The following FOXO3 variants were observed in gnomAD, a reference collection of about 807,000 sequenced individuals.
FOXO3 encodes the protein forkhead box protein O3.
Under a neutral mutation model 41.9 loss-of-function variants are expected in FOXO3, and 4 were observed. The observed-to-expected ratio is 0.10, with a 90% CI of 0.05 to 0.22. The LOEUF (loss-of-function observed/expected upper bound fraction) is 0.22, where lower values mean the gene tolerates loss of function less well. Among genes scored for constraint, FOXO3 ranks in the 10% least tolerant of loss-of-function variants. The pLI is 1.00. For missense variants in FOXO3, 534 were observed against 906.8 expected (o/e 0.59, Z 5.28); for synonymous variants, 318 against 389.3 (o/e 0.82, Z 2.16).
intron 1 of FOXO3, among the ~76,000 whole-genome samples, chr6:108,604,985 G>A (rs1352652629): frequency 6.6e-6 from 1 of 152,190 alleles, no homozygotes; most frequent in Non-Finnish European, 1.5e-5. Context: ...ACCACAGGAT[G>A]TGGCCTCTTG....
At chr6:108,594,660 G>A (rs1357524194) in intron 1 of FOXO3, among the ~76,000 whole-genome samples, 2 of 152,192 alleles carry the variant, frequency 1.3e-5, no homozygotes, top group Non-Finnish European at 2.9e-5. Context: ...TCTCAGGTCT[G>A]CCTTGCAGGG....
chr6:108,608,287 A>G (rs925839799), intron 1 of FOXO3, among the ~76,000 whole-genome samples: 1 of 152,236 alleles, frequency 6.6e-6, no homozygotes, highest in Non-Finnish European at 1.5e-5. Flanking sequence ...GCTTGGATAA[A>G]TTAAGTGACG....
chr6:108,643,959 A>G (rs1370281928), intron 1 of FOXO3, among the ~76,000 whole-genome samples: 1 of 152,228 alleles, frequency 6.6e-6, no homozygotes, highest in Admixed American at 6.5e-5. Flanking sequence ...TTTTTGCAAG[A>G]TGGAAGGACT....
chr6:108,675,796 A>G (rs1770565871), intron 2 of FOXO3, among the ~76,000 whole-genome samples: 1 of 152,154 alleles, frequency 6.6e-6, no homozygotes, highest in South Asian at 2.1e-4. Flanking sequence ...TCCATGTCCT[A>G]TTTAGTATTA....
intron 1 of FOXO3, among the ~76,000 whole-genome samples, chr6:108,575,141 T>C (rs948732591): frequency 2.0e-5 from 3 of 152,224 alleles, no homozygotes; most frequent in East Asian, 1.9e-4. Context: ...CTCTTTTTAC[T>C]ACATTAAAAA....
rs1777299315 is a variant in FOXO3 at position 108,609,526 on chromosome 6, T to A, written c.621+47697T>A. On this transcript the variant is annotated intron_variant, in intron 1 of 2. Coordinates refer to ENST00000406360, the MANE Select transcript of FOXO3 (RefSeq NM_001455.4). Reference sequence around the variant, plus strand: ...AAAATACGATTTGGCCTATTAGCTTTCCAGGTGGTGATGAAAAGACACTAT... The same window carrying A: ...AAAATACGATTTGGCCTATTAGCTTACCAGGTGGTGATGAAAAGACACTAT... Among the ~76,000 whole-genome samples, 3 of 152,194 alleles carry A rather than the reference T, an allele frequency of 2.0e-5. No individual in the cohort carries two copies. The South Asian group carries it at 6.2e-4, about 32-fold the overall frequency.
intron 1 of FOXO3, among the ~76,000 whole-genome samples, chr6:108,578,427 A>T: frequency 6.6e-6 from 1 of 152,246 alleles, no homozygotes. Flanking sequence ...CTGTTGAAAT[A>T]TAACAAAGCT....
Position 108,561,748 on chromosome 6 carries a change from G to A in FOXO3, c.540G>A (p.Leu180=). The change falls in exon 1 of 3, where the codon CTG becomes CTA. Residue 180 remains leucine (L), a synonymous_variant. Coordinates refer to ENST00000406360, the MANE Select transcript of FOXO3 (RefSeq NM_001455.4). ...IESSPDKRLT[L]SQIYEWMVRC... is the part of the protein sequence containing the mutation. ...GCTCCCCGGACAAACGGCTCACTCT[G>A]TCCCAGATCTACGAGTGGATGGTGC... The A allele has an allele frequency of 6.2e-7, 1 of 1,607,252 alleles. No homozygotes were observed. The highest frequency in any genetic ancestry group is 1.1e-5 in the South Asian group (1 of 90,292).
intron 1 of FOXO3, among the ~76,000 whole-genome samples, chr6:108,604,903 C>G (rs931820917): frequency 3.3e-5 from 5 of 152,150 alleles, no homozygotes; most frequent in African/African-American, 1.2e-4. Flanking sequence ...AGTGTAAAGG[C>G]CCTATAAGAA....
chr6:108,562,256 G>A (rs1775824572), intron 1 of FOXO3, among the ~76,000 whole-genome samples: 1 of 151,996 alleles, frequency 6.6e-6, no homozygotes, highest in Non-Finnish European at 1.5e-5. Flanking sequence ...CTGGAGGAGG[G>A]GTTGGATGTG....
chr6:108,626,777 A>AGGT (rs1387907359), intron 1 of FOXO3, among the ~76,000 whole-genome samples: 2 of 152,302 alleles, frequency 1.3e-5, no homozygotes, highest in Middle Eastern at 3.4e-3. Flanking sequence ...TATCCACTGT[A>AGGT]AACTTGGATA....
At chr6:108,613,699 T>C (rs1001864193) in intron 1 of FOXO3, among the ~76,000 whole-genome samples, 12 of 152,244 alleles carry the variant, frequency 7.9e-5, no homozygotes, top group Non-Finnish European at 1.8e-4. Flanking sequence ...CACTGACTTT[T>C]CCCCCGTTAC....
chr6:108,598,030 T>TAA (rs1386775331), intron 1 of FOXO3, among the ~76,000 whole-genome samples: 1 of 152,216 alleles, frequency 6.6e-6, no homozygotes, highest in African/African-American at 2.4e-5. Context: ...ACATTCAGAT[T>TAA]AAAGCAAGCA....
chr6:108,647,810 A>G (rs1463634634), intron 1 of FOXO3, among the ~76,000 whole-genome samples: 1 of 152,218 alleles, frequency 6.6e-6, no homozygotes, highest in Non-Finnish European at 1.5e-5. Context: ...GTATTTCATG[A>G]TAAAGCCTCC....
intron 1 of FOXO3, among the ~76,000 whole-genome samples, chr6:108,590,238 C>T (rs1430023523): frequency 1.3e-5 from 2 of 152,026 alleles, no homozygotes; most frequent in Non-Finnish European, 2.9e-5. Context: ...ATCCTGCCAC[C>T]TCAGCCTCCT....
chr6:108,671,147 G>A (rs1764055708), intron 2 of FOXO3, among the ~76,000 whole-genome samples: 1 of 152,190 alleles, frequency 6.6e-6, no homozygotes, highest in Non-Finnish European at 1.5e-5. Context: ...GCATTCAGGG[G>A]TTCTGTTCCA....
chr6:108,602,602 A>G (rs912683306), intron 1 of FOXO3, among the ~76,000 whole-genome samples: 4 of 151,954 alleles, frequency 2.6e-5, no homozygotes, highest in East Asian at 1.9e-4. Flanking sequence ...TGTCCCTCAT[A>G]TTTATCCAGA....
At chr6:108,640,725 G>A (rs1234881308) in intron 1 of FOXO3, among the ~76,000 whole-genome samples, 1 of 152,088 alleles carries the variant, frequency 6.6e-6, no homozygotes, top group Non-Finnish European at 1.5e-5. Flanking sequence ...GCTTATTATA[G>A]TAATGCCTTC....
chr6:108,606,467 GC>G (rs1295944208), intron 1 of FOXO3, among the ~76,000 whole-genome samples: 1 of 152,204 alleles, frequency 6.6e-6, no homozygotes, highest in East Asian at 1.9e-4. Flanking sequence ...ACATGGCAAT[GC>G]CACTGGTATA....
Sources: gnomAD v4.1 joint callset for allele counts (sites outside exome capture counted in the v4.1 genomes callset) on GRCh38, gnomAD v4.1.1 for gene constraint, MANE v1.5 for transcripts, NCBI Gene and HGNC (gene_info 2026-07-23, HGNC 2026-07-21) for gene names.